The following MALRD1 variants were observed in gnomAD, a reference collection of about 807,000 sequenced individuals.
The protein encoded by MALRD1 is MAM and LDL-receptor class A domain-containing protein 1.
Under a neutral mutation model 242.1 loss-of-function variants are expected in MALRD1, and 247 were observed. The ratio of observed to expected loss-of-function variants is 1.02; its 90% CI spans 0.92 to 1.13. The LOEUF is 1.13. MALRD1 is among the 50% of genes most tolerant of loss of function. The pLI is 0.00. For synonymous variants in MALRD1, 995 were observed against 866.6 expected (o/e 1.15, Z -2.60); for missense variants, 2,989 against 2,533.1 (o/e 1.18, Z -3.86).
intron 21 of MALRD1, among the ~76,000 whole-genome samples, chr10:19,318,565 C>T (rs1842797471): frequency 6.6e-6 from 1 of 150,838 alleles, no homozygotes; most frequent in African/African-American, 2.4e-5. Context: ...AATACAGGGA[C>T]CTCTACTTGA....
intron 31 of MALRD1, among the ~76,000 whole-genome samples, chr10:19,519,582 G>C (rs1030547503): frequency 6.6e-6 from 1 of 152,026 alleles, no homozygotes; most frequent in Non-Finnish European, 1.5e-5. Context: ...CAGCCTGGGA[G>C]ACATAGTGAG....
chr10:19,179,986 A>G (rs1835433104), intron 14 of MALRD1, among the ~76,000 whole-genome samples: 1 of 151,702 alleles, frequency 6.6e-6, no homozygotes, highest in Non-Finnish European at 1.5e-5. Context: ...ACAGAAGAAG[A>G]AAAAAAAAGA....
At chr10:19,376,830 C>T (rs73593893) in intron 26 of MALRD1, among the ~76,000 whole-genome samples, 6,196 of 152,016 alleles carry the variant, frequency 0.041, 208 homozygotes, top group African/African-American at 0.092. Flanking sequence ...CTGACCACCT[C>T]GGCCTCCCTG....
At chr10:19,331,691 G>A (rs775566962) in intron 24 of MALRD1, 109 bp downstream of exon 24, 11 of 808,378 alleles carry the variant, frequency 1.4e-5, no homozygotes, top group Non-Finnish European at 2.2e-5. Flanking sequence ...TCAACACCAG[G>A]GGAAGGTAAG....
intron 12 of MALRD1, among the ~76,000 whole-genome samples, chr10:19,156,168 A>G (rs933055505): frequency 6.6e-6 from 1 of 152,210 alleles, no homozygotes; most frequent in Admixed American, 6.5e-5. Flanking sequence ...TAAATGACAT[A>G]TTATTCCGAG....
chr10:19,396,429 T>C (rs1007744873), intron 28 of MALRD1, among the ~76,000 whole-genome samples: 1 of 152,140 alleles, frequency 6.6e-6, no homozygotes, highest in Non-Finnish European at 1.5e-5. Flanking sequence ...GCCACTGTGC[T>C]GGCCTCGTTT....
intron 28 of MALRD1, among the ~76,000 whole-genome samples, chr10:19,400,676 TA>T (rs1238015609): frequency 3.3e-5 from 5 of 152,048 alleles, no homozygotes; most frequent in African/African-American, 1.2e-4. Flanking sequence ...TTAGAAGAAA[TA>T]AAAAAATTAA....
intron 36 of MALRD1, among the ~76,000 whole-genome samples, chr10:19,655,289 G>T (rs993965268): frequency 6.6e-6 from 1 of 151,812 alleles, no homozygotes; most frequent in Non-Finnish European, 1.5e-5. Flanking sequence ...GAGAAAAAGG[G>T]TCTGTTTCTA....
intron 18 of MALRD1, among the ~76,000 whole-genome samples, chr10:19,225,027 A>G (rs1016974584): frequency 6.6e-6 from 1 of 152,126 alleles, no homozygotes; most frequent in African/African-American, 2.4e-5. Flanking sequence ...AGGTGTAAGG[A>G]AGGGGTCCAG....
intron 29 of MALRD1, among the ~76,000 whole-genome samples, chr10:19,469,642 A>G (rs568054430): frequency 2.0e-5 from 3 of 152,152 alleles, no homozygotes; most frequent in East Asian, 3.8e-4. Context: ...TCATCCACAC[A>G]GAATTGGGAT....
At chr10:19,049,295 A>G (rs2131190336) in intron 1 of MALRD1, among the ~76,000 whole-genome samples, 158 bp downstream of exon 1, 1 of 152,310 alleles carries the variant, frequency 6.6e-6, no homozygotes, top group East Asian at 1.9e-4. Flanking sequence ...ATTGTTTACT[A>G]AAGAGATGAG....
At chr10:19,572,260 T>A (rs1564449893) in intron 33 of MALRD1, among the ~76,000 whole-genome samples, 1 of 152,212 alleles carries the variant, frequency 6.6e-6, no homozygotes, top group Non-Finnish European at 1.5e-5. Context: ...TTATTTGTAT[T>A]GCATCTGTTT....
In MALRD1 at chr10:19,175,196, C is replaced by A; in HGVS notation, c.1831-12C>A. The stretch of plus-strand genomic sequence containing the variant: ...ATGTGTTTTTAACAGTTTTATCTTT[C>A]TGTAATTATAGTTAATTTTGGAAGC... On this transcript the variant is annotated splice_polypyrimidine_tract_variant and intron_variant, in intron 13 of 39. Coordinates refer to ENST00000454679, the MANE Select transcript of MALRD1 (RefSeq NM_001142308.3). 1 of 1,226,776 alleles carries A rather than the reference C, an allele frequency of 8.2e-7. No homozygotes were observed. The highest frequency in any genetic ancestry group is 1.0e-6 in the Non-Finnish European group (1 of 984,516). The allele number at this position is 1,226,776 out of a possible 1,614,324, so 76.0% of individuals were successfully genotyped here. A position where few individuals can be genotyped will look rare whatever the true frequency, so the allele number is the denominator to read the frequency against.
chr10:19,433,889 C>T lies in MALRD1; in HGVS notation c.4846-16418C>T, dbSNP rs528982630. Among the ~76,000 whole-genome samples the T allele has an allele frequency of 5.3e-5, 8 of 151,958 alleles. No individual in the cohort carries two copies. The South Asian group carries it at 6.2e-4, about 12-fold the overall frequency. ...TATGGCAAACACACACACACACACA[C>T]GCGCACACACACACAGGGATATTTA... On this transcript the variant is annotated intron_variant, in intron 28 of 39. Transcript: ENST00000454679.
At chr10:19,530,445 A>G (rs1564417607) in intron 31 of MALRD1, among the ~76,000 whole-genome samples, 1 of 56,356 alleles carries the variant, frequency 1.8e-5, no homozygotes, top group East Asian at 4.5e-4. Flanking sequence ...TATAATATAT[A>G]ATATATAATA....
At chr10:19,440,495 G>T (rs1157333614) in intron 28 of MALRD1, among the ~76,000 whole-genome samples, 1 of 151,534 alleles carries the variant, frequency 6.6e-6, no homozygotes, top group Non-Finnish European at 1.5e-5. Flanking sequence ...CCCTCCCCCC[G>T]CAACAACCCC....
intron 36 of MALRD1, among the ~76,000 whole-genome samples, chr10:19,660,289 T>C (rs938169398): frequency 1.3e-5 from 2 of 152,164 alleles, no homozygotes; most frequent in Non-Finnish European, 2.9e-5. Flanking sequence ...TTTTTCTCTG[T>C]GACATTCTGG....
chr10:19,331,616 C>T (rs1843376310), intron 24 of MALRD1, 34 bp downstream of exon 24: 1 of 1,502,780 alleles, frequency 6.7e-7, no homozygotes. Flanking sequence ...TTACTTTTGC[C>T]TTCAACTCCC....
At chr10:19,122,338 A>G (rs1413323475) in intron 5 of MALRD1, among the ~76,000 whole-genome samples, 1 of 152,200 alleles carries the variant, frequency 6.6e-6, no homozygotes, top group South Asian at 2.1e-4. Context: ...AAACGTTATC[A>G]TCATTAGTAA....
Sources: gnomAD v4.1 joint callset for allele counts (sites outside exome capture counted in the v4.1 genomes callset) on GRCh38, gnomAD v4.1.1 for gene constraint, MANE v1.5 for transcripts, NCBI Gene and HGNC (gene_info 2026-07-23, HGNC 2026-07-21) for gene names.